The following MGAT4C variants were observed in gnomAD, a reference collection of about 807,000 sequenced individuals.
MGAT4C encodes the protein MGAT4 family member C, also known as alpha-1,3-mannosyl-glycoprotein 4-beta-N-acetylglucosaminyltransferase C.
MGAT4C carries 19 observed loss-of-function variants against 40.1 expected under a neutral mutation model. The observed-to-expected ratio is 0.47, with a 90% CI of 0.33 to 0.70. MGAT4C has a LOEUF of 0.70. Among genes scored for constraint, MGAT4C ranks in the 30% least tolerant of loss-of-function variants. MGAT4C has a pLI of 0.02. For missense variants in MGAT4C, 491 were observed against 563.2 expected (o/e 0.87, Z 1.30); for synonymous variants, 181 against 187.1 (o/e 0.97, Z 0.27).
intron 1 of MGAT4C, among the ~76,000 whole-genome samples, chr12:86,101,655 A>T (rs1485744473): frequency 1.3e-5 from 2 of 151,838 alleles, no homozygotes; most frequent in Non-Finnish European, 2.9e-5. Context: ...ACAATCATCT[A>T]TGTAGGTAAC....
In MGAT4C at chr12:86,163,184, C is replaced by T. The variant is rs567385482; in HGVS notation, c.-57+93055G>A. The stretch of plus-strand genomic sequence containing the variant: ...TCATGATATTGACATTATAGAACAA[C>T]AATTAGAAATCATCCTCCCCCCCTT... On this transcript the variant is annotated intron_variant, in intron 1 of 4. Coordinates refer to ENST00000611864, the MANE Select transcript of MGAT4C (RefSeq NM_001351288.2). Among the ~76,000 whole-genome samples the T allele has an allele frequency of 1.5e-3, 227 of 152,088 alleles. No homozygotes were observed. In the South Asian group the frequency reaches 0.017, roughly 12 times the overall value.
chr12:86,695,738 G>A (rs1021368062), intron 2 of MGAT4C, among the ~76,000 whole-genome samples: 4 of 151,964 alleles, frequency 2.6e-5, no homozygotes, highest in Non-Finnish European at 4.4e-5. Context: ...CGAACTCATC[G>A]ACACAGAGAG....
At chr12:86,520,932 G>A (rs1053150708) in intron 2 of MGAT4C, among the ~76,000 whole-genome samples, 6 of 151,470 alleles carry the variant, frequency 4.0e-5, no homozygotes, top group African/African-American at 1.2e-4. Context: ...GTTTTTTATC[G>A]AAATTTGTTT....
At chr12:86,112,839 T>C (rs1877701826) in intron 1 of MGAT4C, among the ~76,000 whole-genome samples, 2 of 151,772 alleles carry the variant, frequency 1.3e-5, no homozygotes. Context: ...AAAGCTTATA[T>C]TGGGGAGCAC....
At chr12:86,595,759 T>C (rs1011416314) in intron 2 of MGAT4C, among the ~76,000 whole-genome samples, 5 of 152,186 alleles carry the variant, frequency 3.3e-5, no homozygotes. Flanking sequence ...CCTTTTAACA[T>C]TTTTGACAAA....
intron 1 of MGAT4C, among the ~76,000 whole-genome samples, chr12:86,788,440 A>G (rs1239178099): frequency 6.6e-6 from 1 of 152,022 alleles, no homozygotes; most frequent in East Asian, 1.9e-4. Flanking sequence ...TGAAGCACCA[A>G]TTACAATGAC....
intron 2 of MGAT4C, among the ~76,000 whole-genome samples, chr12:86,623,408 G>T (rs1409782754): frequency 6.6e-6 from 1 of 151,884 alleles, no homozygotes; most frequent in Non-Finnish European, 1.5e-5. Flanking sequence ...ACTTAAAACG[G>T]GTTATATTTA....
chr12:86,590,889 T>A (rs1961303460), intron 2 of MGAT4C, among the ~76,000 whole-genome samples: 1 of 152,018 alleles, frequency 6.6e-6, no homozygotes, highest in African/African-American at 2.4e-5. Flanking sequence ...CAGATACAAA[T>A]GATTTATTCC....
At chr12:86,663,601 T>C (rs1369263024) in intron 2 of MGAT4C, among the ~76,000 whole-genome samples, 2 of 152,118 alleles carry the variant, frequency 1.3e-5, no homozygotes, top group East Asian at 3.9e-4. Flanking sequence ...CCCTTAACTA[T>C]GGCTTTTAGT....
intron 4 of MGAT4C, among the ~76,000 whole-genome samples, chr12:86,263,837 G>T (rs1952719519): frequency 6.6e-6 from 1 of 151,962 alleles, no homozygotes; most frequent in Non-Finnish European, 1.5e-5. Context: ...ACTAAAATCT[G>T]GTATTTTTTG....
intron 2 of MGAT4C, among the ~76,000 whole-genome samples, chr12:86,687,042 G>T (rs957913331): frequency 1.3e-5 from 2 of 152,200 alleles, no homozygotes; most frequent in South Asian, 4.2e-4. Flanking sequence ...CCCTATTCAG[G>T]GATTTGACTT....
intron 1 of MGAT4C, among the ~76,000 whole-genome samples, chr12:86,825,984 G>A (rs973407762): frequency 1.3e-5 from 2 of 151,362 alleles, no homozygotes; most frequent in African/African-American, 2.4e-5. Flanking sequence ...AGTGCTAAGA[G>A]CCTACTTCAG....
At chr12:86,519,431 T>C (rs1958752598) in intron 2 of MGAT4C, among the ~76,000 whole-genome samples, 1 of 152,186 alleles carries the variant, frequency 6.6e-6, no homozygotes, top group African/African-American at 2.4e-5. Flanking sequence ...AGTAGTGAGA[T>C]TGCTGGATCA....
chr12:86,163,727 A>C (rs955960434), intron 1 of MGAT4C, among the ~76,000 whole-genome samples: 5 of 152,194 alleles, frequency 3.3e-5, no homozygotes, highest in African/African-American at 1.2e-4. Context: ...GATAACGTGA[A>C]ACATTTTTGA....
At chr12:86,271,234 T>C (rs1253899526) in intron 4 of MGAT4C, among the ~76,000 whole-genome samples, 1 of 152,116 alleles carries the variant, frequency 6.6e-6, no homozygotes, top group Non-Finnish European at 1.5e-5. Context: ...ACCTGTTGAA[T>C]GAGAGAAAAT....
intron 2 of MGAT4C, among the ~76,000 whole-genome samples, chr12:86,707,674 G>A (rs1950486019): frequency 1.3e-5 from 2 of 151,934 alleles, no homozygotes; most frequent in Non-Finnish European, 2.9e-5. Context: ...GGGGTTACAG[G>A]CACATGCTGC....
intron 1 of MGAT4C, among the ~76,000 whole-genome samples, chr12:86,075,763 G>T (rs1250837026): frequency 2.0e-5 from 3 of 152,178 alleles, no homozygotes; most frequent in African/African-American, 7.2e-5. Flanking sequence ...ATCCTCTGAA[G>T]CCACAGCCCA....
At chr12:86,075,335 A>G (rs183240776) in intron 1 of MGAT4C, among the ~76,000 whole-genome samples, 30 of 152,236 alleles carry the variant, frequency 2.0e-4, no homozygotes, top group Non-Finnish European at 3.7e-4. Flanking sequence ...TCATGCTGAT[A>G]CAACAGATGG....
At chr12:86,120,941 T>C (rs1206706480) in intron 1 of MGAT4C, among the ~76,000 whole-genome samples, 1 of 152,160 alleles carries the variant, frequency 6.6e-6, no homozygotes, top group East Asian at 1.9e-4. Flanking sequence ...AGTAACAAAC[T>C]TCTCCGAGCT....
Sources: gnomAD v4.1 joint callset for allele counts (sites outside exome capture counted in the v4.1 genomes callset) on GRCh38, gnomAD v4.1.1 for gene constraint, MANE v1.5 for transcripts, NCBI Gene and HGNC (gene_info 2026-07-23, HGNC 2026-07-21) for gene names.